Variants in CTSD observed in about 807,000 individuals in gnomAD.
The protein encoded by CTSD is ceroid-lipofuscinosis, neuronal 10.
Under a neutral mutation model 43.6 loss-of-function variants are expected in CTSD, and 28 were observed. The ratio of observed to expected loss-of-function variants is 0.64; its 90% CI spans 0.48 to 0.88. CTSD has a LOEUF of 0.88. CTSD is among the 40% of genes least tolerant of loss of function. CTSD has a pLI of 0.00. For synonymous variants in CTSD, 270 were observed against 249.8 expected (o/e 1.08, Z -0.76); for missense variants, 485 against 555.2 (o/e 0.87, Z 1.27).
intron 6 of CTSD, 88 bp from the exon 7 acceptor site, chr11:1,754,226 C>G (rs1182884327): frequency 6.9e-7 from 1 of 1,453,866 alleles, no homozygotes; most frequent in East Asian, 2.5e-5. Flanking sequence ...CCTCCCCTGG[C>G]TGGGCTGCAC....
chr11:1,754,693 GGAGGGATA>G (rs1325683682), intron 6 of CTSD, among the ~76,000 whole-genome samples: 2 of 150,696 alleles, frequency 1.3e-5, no homozygotes, highest in African/African-American at 2.4e-5. Context: ...ATGGAGGGAT[GGAGGGATA>G]GAGGGAATAG....
chr11:1,754,768 C>G, intron 6 of CTSD, 138 bp downstream of exon 6: 1 of 1,120,306 alleles, frequency 8.9e-7, no homozygotes, highest in Non-Finnish European at 1.3e-6. Flanking sequence ...GAGGGCTGGT[C>G]TGACCCCATC....
In CTSD at chr11:1,756,864, G is replaced by A. The variant is rs556062801; in HGVS notation, c.704+460C>T. On this transcript the variant is annotated intron_variant, in intron 5 of 8. Transcript: ENST00000236671. ...AGAGCTGCTCGCAGCGTGGTGCCGG[G>A]GACCCATACGCACCCAAGGTCACCT... is the stretch of plus-strand genomic sequence containing the variant. Among the ~76,000 whole-genome samples, 391 of 152,274 alleles carry A rather than the reference G, an allele frequency of 2.6e-3. 3 individuals are homozygous for A. The highest frequency in any genetic ancestry group is 9.0e-3 in the African/African-American group (373 of 41,564).
chr11:1,754,369 G>A (rs1280492142), intron 6 of CTSD: 13 of 577,498 alleles, frequency 2.3e-5, no homozygotes, highest in African/African-American at 1.8e-4. Context: ...GAGGGATGGA[G>A]GGGATGGAGG....
At chr11:1,754,490 A>AGAGGGATGTGGGGATG (rs1565019363) in intron 6 of CTSD, among the ~76,000 whole-genome samples, 41 of 34,398 alleles carry the variant, frequency 1.2e-3, no homozygotes, top group African/African-American at 4.0e-3. Flanking sequence ...GGAGAGTCAC[A>AGAGGGATGTGGGGATG]GAGGGATGTG....
chr11:1,754,707 A>G (rs1048354345), intron 6 of CTSD, among the ~76,000 whole-genome samples, 199 bp downstream of exon 6: 2 of 139,030 alleles, frequency 1.4e-5, no homozygotes, highest in Non-Finnish European at 3.1e-5. Context: ...GGATAGAGGG[A>G]ATAGAGGGGA....
chr11:1,754,117 C>T lies in CTSD; in HGVS notation c.849G>A (p.Leu283=), dbSNP rs1014674908. 1 of 1,610,320 alleles carries T rather than the reference C, an allele frequency of 6.2e-7. No individual in the cohort carries two copies. Among genetic ancestry groups the T allele is most frequent in the Non-Finnish European group, 8.5e-7 (1 of 1,179,734 alleles). The change falls in exon 7 of 9, where the codon CTG becomes CTA. Residue 283 remains leucine (L), a synonymous_variant. Coordinates refer to ENST00000236671, the MANE Select transcript of CTSD (RefSeq NM_001909.5). The stretch of plus-strand genomic sequence containing the variant: ...CCTCACAGCCCTCCTTGCACAGGGT[C>T]AGCCCGCTGGCCACCTCCACCCTGC... ...HLDQVEVASG[L]TLCKEGCEAI... is the part of the protein sequence containing the mutation.
At position 1,763,850 on chromosome 11, in the gene CTSD, A is replaced by C; in HGVS notation, c.10T>G (p.Ser4Ala). 6.6e-7 allele frequency: 1 copy of C among 1,525,130 alleles called. No individual in the cohort carries two copies. The highest frequency in any genetic ancestry group is 8.8e-7 in the Non-Finnish European group (1 of 1,141,680). The allele number at this position is 1,525,130 out of a possible 1,614,324, so 94.5% of individuals were successfully genotyped here. A position where few individuals can be genotyped will look rare whatever the true frequency, so the allele number is the denominator to read the frequency against. ...CAGAGGGCGAGCGGCAGAAGGCTGG[A>C]GGGCTGCATGGCGGCGGCGGCCGGG... MQP[S>A]SLLPLALCLL... The change falls in exon 1 of 9, where the codon TCC (serine) becomes GCC (alanine). Residue 4 changes from serine to alanine, a missense_variant. Transcript: ENST00000236671.
At chr11:1,761,238 GT>G (rs2133666083) in intron 2 of CTSD, 70 bp downstream of exon 2, 1 of 1,561,944 alleles carries the variant, frequency 6.4e-7, no homozygotes, top group South Asian at 1.1e-5. Flanking sequence ...AGGTGGGAAT[GT>G]TCCCCATACT....
chr11:1,761,576 A>G lies in CTSD; in HGVS notation c.69-108T>C, dbSNP rs374942661. On this transcript the variant is annotated intron_variant, in intron 1 of 8. Coordinates refer to ENST00000236671, the MANE Select transcript of CTSD (RefSeq NM_001909.5). ...GCCCCTGGGGAATCTCAGAGTCGCCACAGCCAAAACCAAACTCCTGCCTGT... is the reference window on the plus strand; with the variant it reads ...GCCCCTGGGGAATCTCAGAGTCGCCGCAGCCAAAACCAAACTCCTGCCTGT... 292 of 1,238,538 alleles carry G rather than the reference A, an allele frequency of 2.4e-4. 2 individuals are homozygous for G. In the African/African-American group the frequency reaches 3.7e-3, roughly 16 times the overall value. The allele number at this position is 1,238,538 out of a possible 1,614,324, so 76.7% of individuals were successfully genotyped here. A position where few individuals can be genotyped will look rare whatever the true frequency, so the allele number is the denominator to read the frequency against.
Position 1,757,435 on chromosome 11 carries a change from A to G in CTSD, c.593T>C (p.Ile198Thr). 1 of 1,614,122 alleles carries G rather than the reference A, an allele frequency of 6.2e-7. No homozygotes were observed. Among genetic ancestry groups the G allele is most frequent in the Non-Finnish European group, 8.5e-7 (1 of 1,180,018 alleles). The change falls in exon 5 of 9, where the codon ATC (isoleucine) becomes ACC (threonine). Residue 198 changes from isoleucine to threonine, a missense_variant. Ile to Thr is a moderately conservative substitution (Grantham distance 89). Coordinates refer to ENST00000236671, the MANE Select transcript of CTSD (RefSeq NM_001909.5). ...GATGCGGGGGTAGGCCATGCCCAGG[A>G]TGCCATCGAACTTGGCTGCGATGAA... ...ITFIAAKFDG[I>T]LGMAYPRISV...
rs895654125 is a variant in CTSD at position 1,761,332 on chromosome 11, C to T, written c.205G>A (p.Glu69Lys). Reference sequence around the variant, plus strand: ...ACGTCCATGTAGTTCTTGAGCACCTCGGGAATGGGCCCCTCGGTCACGGCT... The same window carrying T: ...ACGTCCATGTAGTTCTTGAGCACCTTGGGAATGGGCCCCTCGGTCACGGCT... ...VPAVTEGPIP[E>K]VLKNYMDAQY... The change falls in exon 2 of 9, where the codon GAG becomes AAG. Residue 69 changes from glutamate (E) to lysine (K), a missense_variant. By Grantham distance (56) the Glu-to-Lys change is moderately conservative (BLOSUM62 1). Coordinates refer to ENST00000236671, the MANE Select transcript of CTSD (RefSeq NM_001909.5). The T allele has an allele frequency of 5.0e-6, 8 of 1,613,836 alleles. No homozygotes were observed. Among genetic ancestry groups the T allele is most frequent in the East Asian group, 2.2e-5 (1 of 44,884 alleles).
chr11:1,763,826 A>G lies in CTSD; in HGVS notation c.34T>C (p.Cys12Arg). ...GCGGAGGCGGGTGCAGCCAGCAGGC[A>G]GAGGGCGAGCGGCAGAAGGCTGGAG... is the stretch of plus-strand genomic sequence containing the variant. ...QPSSLLPLAL[C>R]LLAAPASALV... Residue 12 changes from cysteine (C) to arginine (R), a missense_variant, in exon 1 of 9, where the codon TGC becomes CGC. Transcript: ENST00000236671. The G allele has an allele frequency of 1.3e-6, 2 of 1,528,370 alleles. No individual in the cohort carries two copies. Among genetic ancestry groups the G allele is most frequent in the Non-Finnish European group, 1.7e-6 (2 of 1,143,292 alleles). The allele number at this position is 1,528,370 out of a possible 1,614,324, so 94.7% of individuals were successfully genotyped here.
rs1565019493 is a variant in CTSD at position 1,754,537 on chromosome 11, ATGGAGGGATGGAGGGGATGGAGGG to A, written c.827+345_827+368del. 2.2e-3 allele frequency among the ~76,000 whole-genome samples: 138 copies of A among 63,910 alleles called. 4 individuals are homozygous for A. The highest frequency in any genetic ancestry group is 7.4e-3 in the African/African-American group (132 of 17,936). 41.9% of individuals were successfully genotyped at this position (63,910 alleles called of 152,430 possible). ...ATGGAGGGATGGAGGGGATGGAGGG[ATGGAGGGATGGAGGGGATGGAGGG>A]ATGGAGGAGATGGAGGGTCATGAAG... On this transcript the variant is annotated intron_variant, in intron 6 of 8. Transcript: ENST00000236671.
chr11:1,754,348 T>TGAGGGGCATGGAGGGGATGAAGGGATG lies in CTSD; in HGVS notation c.828-211_828-210insCATCCCTTCATCCCCTCCATGCCCCTC, dbSNP rs1565019148. 96 of 381,128 alleles carry TGAGGGGCATGGAGGGGATGAAGGGATG rather than the reference T, an allele frequency of 2.5e-4. No homozygotes were observed. The African/African-American group carries it at 2.6e-3, about 10-fold the overall frequency. The allele number at this position is 381,128 out of a possible 1,614,324, so 23.6% of individuals were successfully genotyped here. On this transcript the variant is annotated intron_variant, in intron 6 of 8. Coordinates refer to ENST00000236671, the MANE Select transcript of CTSD (RefSeq NM_001909.5). The stretch of plus-strand genomic sequence containing the variant: ...GGGGTGGGAGACCCTCAGGTGGTGG[T>TGAGGGGCATGGAGGGGATGAAGGGATG]GAGGGGCATGGAGGGATGGAGGGGA...
At chr11:1,754,533 A>ATGTGGGGATGGAGGGATGGAG (rs1590904648) in intron 6 of CTSD, among the ~76,000 whole-genome samples, 1 of 18,944 alleles carries the variant, frequency 5.3e-5, no homozygotes, top group Non-Finnish European at 9.4e-5. Context: ...GAGGGGATGG[A>ATGTGGGGATGGAGGGATGGAG]GGGATGGAGG....
chr11:1,760,164 G>A (rs1845857874), intron 2 of CTSD, among the ~76,000 whole-genome samples: 1 of 152,228 alleles, frequency 6.6e-6, no homozygotes, highest in Non-Finnish European at 1.5e-5. Context: ...CAGGCAGAGG[G>A]GTTCAGCTGG....
rs1044836433 is a variant in CTSD at position 1,753,360 on chromosome 11, G to A, written c.*143C>T. 4.0e-5 allele frequency: 38 copies of A among 945,168 alleles called. No homozygotes were observed. Among genetic ancestry groups the A allele is most frequent in the Non-Finnish European group, 4.6e-5 (27 of 591,528 alleles). 58.5% of individuals were successfully genotyped at this position (945,168 alleles called of 1,614,324 possible). ...AAACCACAGAACAAAACAGCAAGTCGGGCTTGGGCCGCCGGCTTCCAGGGC... is the reference window on the plus strand; with the variant it reads ...AAACCACAGAACAAAACAGCAAGTCAGGCTTGGGCCGCCGGCTTCCAGGGC... On this transcript the variant is annotated 3_prime_UTR_variant, in exon 9 of 9. Coordinates refer to ENST00000236671, the MANE Select transcript of CTSD (RefSeq NM_001909.5).
rs1216472082 is a variant in CTSD, at chr11:1,753,818, C to T, written c.1056G>A (p.Glu352=). Residue 352 remains glutamate, a synonymous_variant, in exon 8 of 9, where the codon GAG becomes GAA. Coordinates refer to ENST00000236671, the MANE Select transcript of CTSD (RefSeq NM_001909.5). ...GCCCGCTCACCTTGAGCGTGTAGTC[C>T]TCTGGGGACAGCTTGTAGCCTTTGC... ...LGGKGYKLSP[E]DYTLKVSQAG... 1.2e-6 allele frequency: 2 copies of T among 1,613,584 alleles called. No homozygotes were observed. The highest frequency in any genetic ancestry group is 2.7e-5 in the African/African-American group (2 of 74,898).
Sources: gnomAD v4.1 joint callset for allele counts (sites outside exome capture counted in the v4.1 genomes callset) on GRCh38, gnomAD v4.1.1 for gene constraint, MANE v1.5 for transcripts, NCBI Gene and HGNC (gene_info 2026-07-23, HGNC 2026-07-21) for gene names.